The following ESR1 variants were observed in gnomAD, a reference collection of about 807,000 sequenced individuals.
ESR1 encodes estrogen receptor 1.
ESR1 carries 12 observed loss-of-function variants against 52.7 expected under a neutral mutation model. That is an observed-to-expected ratio of 0.23 (90% CI 0.15 to 0.37). The LOEUF (loss-of-function observed/expected upper bound fraction) is 0.37, where lower values mean the gene tolerates loss of function less well. ESR1 is among the 10% of genes least tolerant of loss of function. ESR1 has a pLI of 1.00. For missense variants in ESR1, 584 were observed against 779.7 expected (o/e 0.75, Z 2.99); for synonymous variants, 305 against 316.8 (o/e 0.96, Z 0.39).
At chr6:151,953,560 A>G (rs56689583) in intron 4 of ESR1, among the ~76,000 whole-genome samples, 23,522 of 151,946 alleles carry the variant, frequency 0.15, 2,037 homozygotes, top group Admixed American at 0.21. Flanking sequence ...GTCTCTACTA[A>G]AAATACAAAA....
At chr6:151,787,705 G>A (rs1357458940) in intron 2 of ESR1, among the ~76,000 whole-genome samples, 12 of 152,142 alleles carry the variant, frequency 7.9e-5, no homozygotes, top group African/African-American at 2.9e-4. Flanking sequence ...TGTGTCCTGA[G>A]AGTTTGCTGA....
At chr6:151,935,184 T>C (rs1467369359) in intron 3 of ESR1, among the ~76,000 whole-genome samples, 1 of 152,144 alleles carries the variant, frequency 6.6e-6, no homozygotes, top group Non-Finnish European at 1.5e-5. Context: ...ATATGGCGAG[T>C]GCTCAATAAA....
chr6:152,025,349 T>C (rs1191958247), intron 5 of ESR1, among the ~76,000 whole-genome samples: 7 of 151,832 alleles, frequency 4.6e-5, no homozygotes, highest in Non-Finnish European at 8.9e-5. Context: ...GGTAGAATTC[T>C]ACCTTTGAAA....
chr6:151,663,204 T>C (rs905914805), intron 1 of ESR1, among the ~76,000 whole-genome samples: 2 of 152,230 alleles, frequency 1.3e-5, no homozygotes, highest in Non-Finnish European at 2.9e-5. Context: ...GCACTGAGAT[T>C]GTCTCCACTA....
At chr6:151,681,048 C>A (rs75691244) in intron 1 of ESR1, among the ~76,000 whole-genome samples, 2,103 of 152,270 alleles carry the variant, frequency 0.014, 22 homozygotes, top group Non-Finnish European at 0.021. Context: ...GCCCTGCCAG[C>A]TGCCTGGGAT....
chr6:152,083,107 A>C (rs896650379), intron 6 of ESR1, among the ~76,000 whole-genome samples: 2 of 152,194 alleles, frequency 1.3e-5, no homozygotes, highest in Non-Finnish European at 2.9e-5. Context: ...GACTTGGAAA[A>C]AAACTACTTT....
chr6:152,077,799 G>A (rs9478283), intron 6 of ESR1, among the ~76,000 whole-genome samples: 32,098 of 152,136 alleles, frequency 0.21, 4,782 homozygotes, highest in African/African-American at 0.41. Context: ...CCCATTTGGA[G>A]CTGCTGTATT....
At chr6:151,758,996 G>T (rs1784468908) in intron 2 of ESR1, among the ~76,000 whole-genome samples, 2 of 151,576 alleles carry the variant, frequency 1.3e-5, no homozygotes, top group African/African-American at 2.4e-5. Flanking sequence ...CAAACATAAG[G>T]CCGGACGCAG....
intron 4 of ESR1, among the ~76,000 whole-genome samples, chr6:151,972,459 C>T (rs1248229546): frequency 2.6e-5 from 4 of 152,184 alleles, no homozygotes; most frequent in Non-Finnish European, 5.9e-5. Context: ...CAACTATGAT[C>T]AGGTGGGTTT....
chr6:151,998,028 T>C (rs1302495255), intron 4 of ESR1, among the ~76,000 whole-genome samples: 1 of 152,156 alleles, frequency 6.6e-6, no homozygotes, highest in African/African-American at 2.4e-5. Context: ...ATCTTTCATG[T>C]TACTTATTAT....
intron 3 of ESR1, among the ~76,000 whole-genome samples, chr6:151,887,864 A>G (rs562965515): frequency 6.6e-6 from 1 of 152,216 alleles, no homozygotes; most frequent in South Asian, 2.1e-4. Flanking sequence ...TGATTTTTGT[A>G]TACGGCATGA....
At chr6:152,058,052 C>T (rs1021601277) in intron 5 of ESR1, among the ~76,000 whole-genome samples, 1 of 152,172 alleles carries the variant, frequency 6.6e-6, no homozygotes, top group Non-Finnish European at 1.5e-5. Context: ...CTGAGACTTC[C>T]TCCCCTGCCG....
At chr6:151,824,823 A>G (rs1781199623) in intron 1 of ESR1, among the ~76,000 whole-genome samples, 1 of 152,034 alleles carries the variant, frequency 6.6e-6, no homozygotes, top group Non-Finnish European at 1.5e-5. Flanking sequence ...TGGGAGGCTG[A>G]GGCAGGAGAA....
At chr6:152,012,647 T>C (rs1011333769) in intron 5 of ESR1, among the ~76,000 whole-genome samples, 2 of 152,228 alleles carry the variant, frequency 1.3e-5, no homozygotes, top group African/African-American at 2.4e-5. Flanking sequence ...TGTTACCTCC[T>C]GTGCTGGGCA....
intron 1 of ESR1, among the ~76,000 whole-genome samples, chr6:151,677,078 T>C (rs930622704): frequency 6.6e-6 from 1 of 152,178 alleles, no homozygotes; most frequent in Non-Finnish European, 1.5e-5. Context: ...CTCAAACTCC[T>C]GAACTGAAGG....
In ESR1 at chr6:152,102,354, G is replaced by C. The variant is rs2152510902; in HGVS notation, c.*3388G>C. The C allele has an allele frequency of 4.8e-6, 1 of 208,700 alleles. No homozygotes were observed. The highest frequency in any genetic ancestry group is 2.3e-5 in the African/African-American group (1 of 44,070). 12.9% of individuals were successfully genotyped at this position (208,700 alleles called of 1,614,324 possible). On this transcript the variant is annotated 3_prime_UTR_variant, in exon 8 of 8. Transcript: ENST00000206249. ...TATTCATACTTTCCAATTATGAGAT[G>C]GACTGTGGGTACTGGGAGTGATCAC...
At chr6:151,870,217 G>A (rs1009682173) in intron 2 of ESR1, among the ~76,000 whole-genome samples, 4 of 151,536 alleles carry the variant, frequency 2.6e-5, no homozygotes, top group African/African-American at 9.7e-5. Flanking sequence ...ATTTTATTCT[G>A]GAGTATGTGG....
intron 3 of ESR1, among the ~76,000 whole-genome samples, chr6:151,888,486 G>T (rs1490677421): frequency 2.6e-5 from 4 of 151,922 alleles, no homozygotes; most frequent in African/African-American, 9.7e-5. Context: ...TTAGTGTATA[G>T]AAACACTACT....
At chr6:151,686,874 G>A (rs1458971819), upstream of ESR1, among the ~76,000 whole-genome samples, 2 of 152,210 alleles carry the variant, frequency 1.3e-5, no homozygotes, top group East Asian at 1.9e-4. Flanking sequence ...CTACAACCCT[G>A]TCAGTGACTA....
Sources: allele counts gnomAD v4.1 joint callset (sites outside exome capture counted in the v4.1 genomes callset), GRCh38; gene constraint gnomAD v4.1.1; transcripts MANE v1.5; gene names NCBI Gene and HGNC (gene_info 2026-07-23, HGNC 2026-07-21).